Variants in ASXL1 observed in about 807,000 individuals in gnomAD.
ASXL1 encodes the protein ASXL transcriptional regulator 1.
In ASXL1, 65 loss-of-function variants were observed where a neutral mutation model predicts 89.1. That is an observed-to-expected ratio of 0.73 (90% CI 0.60 to 0.90). ASXL1 has a LOEUF of 0.90. Ranked by LOEUF, ASXL1 falls within the 40% of genes least tolerant of loss-of-function variation. The pLI, the probability that ASXL1 is intolerant of heterozygous loss-of-function variation, is 0.00. For synonymous variants in ASXL1, 739 were observed against 746.9 expected, an observed-to-expected ratio of 0.99 and a Z score of 0.17; for missense variants, 1,786 against 1,942.9, an observed-to-expected ratio of 0.92 and a Z score of 1.52.
chr20:32,406,631 C>T (rs1343954776), intron 4 of ASXL1, among the ~76,000 whole-genome samples: 3 of 152,144 alleles, frequency 2.0e-5, no homozygotes, highest in South Asian at 2.1e-4. Flanking sequence ...TGCAGATGTC[C>T]TCTTTACTTT....
chr20:32,413,649 C>T (rs935402448), intron 4 of ASXL1, among the ~76,000 whole-genome samples: 18 of 152,110 alleles, frequency 1.2e-4, no homozygotes, highest in Admixed American at 3.9e-4. Context: ...AGGGGTTTCC[C>T]GGGGTGTAGG....
chr20:32,363,706 G>A (rs1337867069), intron 1 of ASXL1, among the ~76,000 whole-genome samples: 2 of 152,206 alleles, frequency 1.3e-5, no homozygotes, highest in Admixed American at 6.5e-5. Flanking sequence ...CTGGAGGAAG[G>A]TGCTTTCTGA....
chr20:32,404,646 G>A (rs1461796896), intron 4 of ASXL1, among the ~76,000 whole-genome samples: 1 of 152,042 alleles, frequency 6.6e-6, no homozygotes, highest in Admixed American at 6.6e-5. Flanking sequence ...TTTCTTGCTT[G>A]ATTGACTAGC....
chr20:32,429,583 T>TGTGCCTTCC lies in ASXL1; in HGVS notation c.565+152_565+153insGTGCCTTCC. On this transcript the variant is annotated intron_variant, in intron 7 of 12. Transcript: ENST00000375687. This position sits in a 1 kb window ranked among gnomAD's most constrained non-coding sequence, Gnocchi z 4.9. ...GCCAATGGATGAGGCCTGCCATAGGTTCTAGTGCTGGGCTCTGCTGTGTGC... is the reference window on the plus strand; with the variant it reads ...GCCAATGGATGAGGCCTGCCATAGGTGTGCCTTCCTCTAGTGCTGGGCTCTGCTGTGTGC... 1.2e-6 allele frequency: 1 copy of TGTGCCTTCC among 856,990 alleles called. No individual in the cohort carries two copies. The highest frequency in any genetic ancestry group is 1.9e-6 in the Non-Finnish European group (1 of 522,596). The allele number at this position is 856,990 out of a possible 1,614,324, so 53.1% of individuals were successfully genotyped here.
rs746263656 is a variant in ASXL1 at position 32,358,874 on chromosome 20, G to C, written c.57+42G>C. 51 of 1,452,624 alleles carry C rather than the reference G, an allele frequency of 3.5e-5. 2 individuals are homozygous for C. Among genetic ancestry groups the C allele is most frequent in the East Asian group, 3.2e-4 (11 of 34,416 alleles). 90.0% of individuals were successfully genotyped at this position (1,452,624 alleles called of 1,614,324 possible). A position where few individuals can be genotyped will look rare whatever the true frequency, so the allele number is the denominator to read the frequency against. Reference sequence around the variant, plus strand: ...AGGGGGGCTCCGTGGGGCCCGGGGTGGGGGGGGCTCGCCGCGCACCCCCCC... The same window carrying C: ...AGGGGGGCTCCGTGGGGCCCGGGGTCGGGGGGGCTCGCCGCGCACCCCCCC... On this transcript the variant is annotated intron_variant, in intron 1 of 12. Coordinates refer to ENST00000375687, the MANE Select transcript of ASXL1 (RefSeq NM_015338.6).
chr20:32,395,873 G>A (rs1360234727), intron 4 of ASXL1, among the ~76,000 whole-genome samples: 2 of 151,890 alleles, frequency 1.3e-5, no homozygotes, highest in African/African-American at 2.4e-5. Context: ...ATCTTGGCTC[G>A]CTGCAACCTC....
At position 32,435,914 on chromosome 20, in the gene ASXL1, C is replaced by T. The variant is rs764651405; in HGVS notation, c.3202C>T (p.Arg1068Ter). The change falls in exon 13 of 13, where the codon CGA becomes TGA. Residue 1068 changes from arginine to a stop codon, truncating the protein, a stop_gained. Transcript: ENST00000375687. LOFTEE classifies it low-confidence loss of function (END_TRUNC). Reference protein sequence around the residue: ...GMVAPQSWVSRVCAVRQKIPD... With the variant: ...GMVAPQSWVS ...GGTTGCTCCTCAGAGCTGGGTGTCT[C>T]GAGTATGTGCGGTCCGCCAAAAGAT... is the stretch of plus-strand genomic sequence containing the variant. 4.3e-6 allele frequency: 7 copies of T among 1,614,140 alleles called. No homozygotes were observed. Among genetic ancestry groups the T allele is most frequent in the Admixed American group, 1.7e-5 (1 of 60,010 alleles).
At chr20:32,392,917 G>C (rs1046784940) in intron 4 of ASXL1, among the ~76,000 whole-genome samples, 2 of 152,032 alleles carry the variant, frequency 1.3e-5, no homozygotes, top group African/African-American at 4.8e-5. Flanking sequence ...AAGGTTCCAC[G>C]GGCACTTGAA....
intron 4 of ASXL1, among the ~76,000 whole-genome samples, chr20:32,411,085 TG>T (rs1460547839): frequency 1.1e-4 from 16 of 148,054 alleles, no homozygotes; most frequent in African/African-American, 1.7e-4. Flanking sequence ...TGAGAGTTGT[TG>T]TCAAGTGGTG....
chr20:32,428,448 G>T, intron 6 of ASXL1, 26 bp downstream of exon 6: 1 of 1,578,496 alleles, frequency 6.3e-7, no homozygotes, highest in South Asian at 1.1e-5. Flanking sequence ...AGCCTAGCCT[G>T]GGAGGATGAA....
rs371789785 is a variant in ASXL1 at position 32,389,604 on chromosome 20, G to A, written c.252+20481G>A. ...CCCTGCCCCGCCTTTTTCTTTTTCT[G>A]AAACAGAGTCTCGCTCTGTTGTCCA... On this transcript the variant is annotated intron_variant, in intron 4 of 12. Coordinates refer to ENST00000375687, the MANE Select transcript of ASXL1 (RefSeq NM_015338.6). 1.3e-4 allele frequency among the ~76,000 whole-genome samples: 19 copies of A among 151,876 alleles called. No homozygotes were observed. In the East Asian group the frequency reaches 3.3e-3, roughly 26 times the overall value.
intron 4 of ASXL1, among the ~76,000 whole-genome samples, chr20:32,377,247 A>G (rs961170837): frequency 3.4e-5 from 5 of 148,594 alleles, no homozygotes; most frequent in Non-Finnish European, 4.4e-5. Flanking sequence ...TAGCCTCGCA[A>G]AGTGCTGGGA....
intron 1 of ASXL1, 183 bp downstream of exon 1, chr20:32,359,015 T>A (rs962078052): frequency 3.1e-4 from 209 of 663,702 alleles, no homozygotes; most frequent in Non-Finnish European, 7.3e-5. Flanking sequence ...CGGGATGGGA[T>A]GTGGCGCCTT....
rs753416045 is a variant in ASXL1, at chr20:32,429,908, G to A, written c.573G>A (p.Ser191=). The part of the protein sequence containing the change: ...GAHVESASGF[S]GCHADGESGS... ...GGAATGCTGTGCCTTCAGGGTTCTC[G>A]GGCTGCCACGCCGATGGCGAGAGCG... The change falls in exon 8 of 13, where the codon TCG becomes TCA. Residue 191 remains serine (S), a synonymous_variant. Transcript: ENST00000375687. The surrounding 1 kb of genome is among the most constrained non-coding windows in gnomAD (Gnocchi z 4.9). 34 of 1,607,636 alleles carry A rather than the reference G, an allele frequency of 2.1e-5. No homozygotes were observed. In the Admixed American group the frequency reaches 3.8e-4, roughly 18 times the overall value.
rs2048669272 is a variant in ASXL1, at chr20:32,391,454, C to A, written c.252+22331C>A. Among the ~76,000 whole-genome samples the A allele has an allele frequency of 2.6e-5, 4 of 152,174 alleles. No homozygotes were observed. In the South Asian group the frequency reaches 8.3e-4, roughly 32 times the overall value. On this transcript the variant is annotated intron_variant, in intron 4 of 12. Transcript: ENST00000375687. ...TTAAAGAAATAGCTAAGCTGTTTTC[C>A]AAAGTGGCTTCACCATCTTAAATTC...
chr20:32,411,157 A>C (rs2123107316), intron 4 of ASXL1, among the ~76,000 whole-genome samples: 1 of 147,224 alleles, frequency 6.8e-6, no homozygotes, highest in African/African-American at 2.5e-5. Flanking sequence ...GTTTTTCAGT[A>C]AGGGGGAGAG....
chr20:32,390,096 A>G (rs1271899942), intron 4 of ASXL1, among the ~76,000 whole-genome samples: 1 of 152,230 alleles, frequency 6.6e-6, no homozygotes, highest in Non-Finnish European at 1.5e-5. Flanking sequence ...TGCATTTAAT[A>G]TGACTAACCT....
chr20:32,405,554 T>C (rs1401767433), intron 4 of ASXL1, among the ~76,000 whole-genome samples: 1 of 152,220 alleles, frequency 6.6e-6, no homozygotes, highest in Non-Finnish European at 1.5e-5. Context: ...TAATGTCCTT[T>C]TTGTCCAAAG....
rs774925128 is a variant in ASXL1, at chr20:32,431,564, TC to T, written c.883-14del. 1 of 1,613,752 alleles carries T rather than the reference TC, an allele frequency of 6.2e-7. No individual in the cohort carries two copies. Among genetic ancestry groups the T allele is most frequent in the Middle Eastern group, 1.6e-4 (1 of 6,062 alleles). On this transcript the variant is annotated intron_variant, in intron 9 of 12. Coordinates refer to ENST00000375687, the MANE Select transcript of ASXL1 (RefSeq NM_015338.6). ...TTAAGTTTATTTATTAGGATTTTTT[TC>T]CCCCTTGATCCTTCTAGGTGGGGAC...
Sources: allele counts gnomAD v4.1 joint callset (sites outside exome capture counted in the v4.1 genomes callset), GRCh38; gene constraint gnomAD v4.1.1; non-coding constraint Gnocchi (gnomAD v3.1); transcripts MANE v1.5; gene names NCBI Gene and HGNC (gene_info 2026-07-23, HGNC 2026-07-21).